MYT1L: variants seen among roughly 807,000 people sequenced by gnomAD.
MYT1L encodes myelin transcription factor 1 like, also known as myelin transcription factor 1-like protein.
In MYT1L, 12 loss-of-function variants were observed where a neutral mutation model predicts 126.7. The ratio of observed to expected loss-of-function variants is 0.09; its 90% CI spans 0.06 to 0.15. The LOEUF is 0.15. Ranked by LOEUF, MYT1L falls within the 10% of genes least tolerant of loss-of-function variation. The probability of loss-of-function intolerance (pLI) is 1.00; values close to 1 mark genes in which losing one functional copy is unlikely to be tolerated. For synonymous variants in MYT1L, 541 were observed against 604.2 expected (o/e 0.90, Z 1.53); for missense variants, 979 against 1,585.2 (o/e 0.62, Z 6.49).
At chr2:2,176,662 C>T (rs887830820) in intron 2 of MYT1L, among the ~76,000 whole-genome samples, 6 of 152,074 alleles carry the variant, frequency 3.9e-5, no homozygotes, top group Non-Finnish European at 7.3e-5. Flanking sequence ...AGACACCCAG[C>T]TAATTTTTAT....
At position 1,793,727 on chromosome 2, in the gene MYT1L, G is replaced by A. The variant is rs2032756504; in HGVS notation, c.3277-1263C>T. ...ACCATTCCTGCAGGGACGGTCCCCTGTGGAGAACACACTGAAATCACACAG... is the reference window on the plus strand; with the variant it reads ...ACCATTCCTGCAGGGACGGTCCCCTATGGAGAACACACTGAAATCACACAG... On this transcript the variant is annotated intron_variant, in intron 23 of 24. Coordinates refer to ENST00000647738, the MANE Select transcript of MYT1L (RefSeq NM_001303052.2). The surrounding 1 kb of genome is among the most constrained non-coding windows in gnomAD (Gnocchi z 4.6). Among the ~76,000 whole-genome samples the A allele has an allele frequency of 6.6e-6, 1 of 152,194 alleles. No homozygotes were observed. Among genetic ancestry groups the A allele is most frequent in the African/African-American group, 2.4e-5 (1 of 41,454 alleles).
At chr2:2,084,353 G>T (rs549386590) in intron 3 of MYT1L, among the ~76,000 whole-genome samples, 2 of 152,238 alleles carry the variant, frequency 1.3e-5, no homozygotes, top group Non-Finnish European at 2.9e-5. Context: ...CCTCTCTTCG[G>T]TGTAACCGGA....
chr2:2,092,926 G>C (rs1043032976), intron 3 of MYT1L, among the ~76,000 whole-genome samples: 1 of 152,182 alleles, frequency 6.6e-6, no homozygotes, highest in Non-Finnish European at 1.5e-5. Context: ...AGCAGCTGAA[G>C]GTGTGTGCTG....
chr2:2,236,757 TTTCTTCTTC>T (rs760901038), intron 2 of MYT1L, among the ~76,000 whole-genome samples: 7,998 of 132,062 alleles, frequency 0.061, 364 homozygotes, highest in Non-Finnish European at 0.087. Flanking sequence ...TTGGTTGTCC[TTTCTTCTTC>T]TTCTTCTTCT....
intron 2 of MYT1L, among the ~76,000 whole-genome samples, chr2:2,183,368 G>A (rs953544767): frequency 2.0e-5 from 3 of 152,106 alleles, no homozygotes; most frequent in African/African-American, 4.8e-5. Flanking sequence ...AAGTTCCCAC[G>A]GGAGGGGAGG....
intron 3 of MYT1L, among the ~76,000 whole-genome samples, chr2:2,148,285 C>G (rs766789741): frequency 6.6e-6 from 1 of 152,184 alleles, no homozygotes; most frequent in Non-Finnish European, 1.5e-5. Flanking sequence ...TGGATGGTTT[C>G]GGGATGAAAC....
chr2:2,001,739 G>A (rs767780043), intron 4 of MYT1L, among the ~76,000 whole-genome samples: 1 of 152,164 alleles, frequency 6.6e-6, no homozygotes, highest in Non-Finnish European at 1.5e-5. Flanking sequence ...GTAAAATAGG[G>A]AACAACGTCA....
chr2:2,290,255 G>C (rs1381313474), intron 1 of MYT1L, among the ~76,000 whole-genome samples: 1 of 152,206 alleles, frequency 6.6e-6, no homozygotes, highest in Non-Finnish European at 1.5e-5. Context: ...ACGTTTATCT[G>C]CAAGGAGAGG....
chr2:2,301,441 C>G (rs2095783957), intron 1 of MYT1L, among the ~76,000 whole-genome samples: 1 of 152,132 alleles, frequency 6.6e-6, no homozygotes, highest in Non-Finnish European at 1.5e-5. Flanking sequence ...TATTATGTGT[C>G]AGGCACTGCC....
In MYT1L at chr2:2,057,289, C is replaced by T. The variant is rs1048902448; in HGVS notation, c.-303-3166G>A. On this transcript the variant is annotated intron_variant, in intron 3 of 24. Transcript: ENST00000647738. ...TCCACCCTCTTCCCTTTCATAGCCACGCCCAGCCTTTTCCTGTTCATCACC... is the reference window on the plus strand; with the variant it reads ...TCCACCCTCTTCCCTTTCATAGCCATGCCCAGCCTTTTCCTGTTCATCACC... Among the ~76,000 whole-genome samples, 5 of 152,012 alleles carry T rather than the reference C, an allele frequency of 3.3e-5. 1 individual carries two copies. Among genetic ancestry groups the T allele is most frequent in the Admixed American group, 1.3e-4 (2 of 15,260 alleles).
At chr2:1,968,611 T>G (rs1479926054) in intron 8 of MYT1L, among the ~76,000 whole-genome samples, 1 of 151,940 alleles carries the variant, frequency 6.6e-6, no homozygotes, top group Admixed American at 6.6e-5. Flanking sequence ...AGACAGAGGG[T>G]GCGTTTATCT....
intron 3 of MYT1L, among the ~76,000 whole-genome samples, chr2:2,067,201 T>C (rs1177027015): frequency 6.6e-6 from 1 of 152,190 alleles, no homozygotes; most frequent in Non-Finnish European, 1.5e-5. Flanking sequence ...GCTGTAGTAA[T>C]TAAATCCATG....
chr2:1,852,014 A>G lies in MYT1L; in HGVS notation c.2712-311T>C, dbSNP rs979136845. 1.3e-5 allele frequency among the ~76,000 whole-genome samples: 2 copies of G among 152,056 alleles called. No individual in the cohort carries two copies. Among genetic ancestry groups the G allele is most frequent in the African/African-American group, 4.8e-5 (2 of 41,384 alleles). ...CTAACAGCCCGCCTTTCCTCCCCTC[A>G]TTCTTAAAGCTCAGCAGAGCCAGCA... On this transcript the variant is annotated intron_variant, in intron 18 of 24. Coordinates refer to ENST00000647738, the MANE Select transcript of MYT1L (RefSeq NM_001303052.2). This position sits in a 1 kb window ranked among gnomAD's most constrained non-coding sequence, Gnocchi z 4.0.
chr2:2,015,280 G>A (rs2064257637), intron 4 of MYT1L, among the ~76,000 whole-genome samples: 1 of 151,922 alleles, frequency 6.6e-6, no homozygotes. Context: ...ATGATGGAAA[G>A]GAGACAGTGC....
intron 21 of MYT1L, among the ~76,000 whole-genome samples, chr2:1,837,997 C>A (rs920047888): frequency 1.3e-4 from 19 of 151,942 alleles, no homozygotes; most frequent in African/African-American, 4.3e-4. Context: ...CTGCAACCTC[C>A]GCCCCCTGGG....
intron 2 of MYT1L, among the ~76,000 whole-genome samples, chr2:2,242,507 C>T (rs1426914660): frequency 1.3e-5 from 2 of 152,178 alleles, no homozygotes; most frequent in Non-Finnish European, 2.9e-5. Flanking sequence ...GAAGACAGTG[C>T]CTGGCACATA....
At chr2:2,146,544 C>A (rs940768557) in intron 3 of MYT1L, among the ~76,000 whole-genome samples, 2 of 152,298 alleles carry the variant, frequency 1.3e-5, no homozygotes, top group Non-Finnish European at 2.9e-5. Flanking sequence ...GAGACAGATA[C>A]GACCCCTAGA....
intron 12 of MYT1L, among the ~76,000 whole-genome samples, chr2:1,911,339 A>T (rs931592044): frequency 2.0e-5 from 3 of 152,152 alleles, no homozygotes; most frequent in Non-Finnish European, 4.4e-5. Flanking sequence ...AAAACCATAG[A>T]CTGTAAGACA....
At chr2:2,169,361 T>A (rs1310264520) in intron 3 of MYT1L, among the ~76,000 whole-genome samples, 1 of 152,182 alleles carries the variant, frequency 6.6e-6, no homozygotes, top group Non-Finnish European at 1.5e-5. Flanking sequence ...AATACTACCT[T>A]AAAGATACAC....
Sources: allele counts gnomAD v4.1 joint callset (sites outside exome capture counted in the v4.1 genomes callset), GRCh38; gene constraint gnomAD v4.1.1; non-coding constraint Gnocchi (gnomAD v3.1); transcripts MANE v1.5; gene names NCBI Gene and HGNC (gene_info 2026-07-23, HGNC 2026-07-21).